Variants in OSBPL10 observed in about 807,000 individuals in gnomAD.
The protein encoded by OSBPL10 is oxysterol-binding protein-related protein 10.
Under a neutral mutation model 81.7 loss-of-function variants are expected in OSBPL10, and 49 were observed. That is an observed-to-expected ratio of 0.60 (90% confidence interval 0.48 to 0.76). The LOEUF (loss-of-function observed/expected upper bound fraction) is 0.76. Among genes scored for constraint, OSBPL10 ranks in the 30% least tolerant of loss-of-function variants. The pLI, the probability that OSBPL10 is intolerant of heterozygous loss-of-function variation, is 0.00. For missense variants in OSBPL10, 923 were observed against 987.8 expected (o/e 0.93, Z 0.88); for synonymous variants, 419 against 383.6 (o/e 1.09, Z -1.08).
chr3:31,702,555 T>C (rs1695932152), intron 6 of OSBPL10, 47 bp from the exon 7 acceptor site: 2 of 1,609,632 alleles, frequency 1.2e-6, no homozygotes, highest in South Asian at 2.2e-5. Flanking sequence ...CCAATAGAAG[T>C]TAGAAATAAA....
chr3:32,026,586 T>C (rs1410678331), intron 2 of OSBPL10, among the ~76,000 whole-genome samples: 1 of 152,164 alleles, frequency 6.6e-6, no homozygotes, highest in Non-Finnish European at 1.5e-5. Flanking sequence ...ACAGGATGCC[T>C]CCTACCACAC....
At chr3:31,812,723 AAAG>A (rs577115798) in intron 4 of OSBPL10, among the ~76,000 whole-genome samples, 69 of 39,296 alleles carry the variant, frequency 1.8e-3, no homozygotes, top group East Asian at 5.6e-3. Context: ...AAAAAAAAAG[AAAG>A]AAAGAAAGAA....
intron 4 of OSBPL10, among the ~76,000 whole-genome samples, chr3:31,772,659 T>A (rs112587920): frequency 0.026 from 3,919 of 152,238 alleles, 79 homozygotes; most frequent in Middle Eastern, 0.037. Flanking sequence ...CGCATGAAGC[T>A]GAAACAAGAA....
chr3:31,971,255 C>G (rs1698559905), intron 1 of OSBPL10, among the ~76,000 whole-genome samples: 1 of 150,556 alleles, frequency 6.6e-6, no homozygotes, highest in Admixed American at 6.7e-5. Context: ...ATTCTCCTGT[C>G]TCAGCCTCCC....
At position 31,748,051 on chromosome 3, in the gene OSBPL10, G is replaced by A; in HGVS notation, c.799C>T (p.Pro267Ser). 6.2e-7 allele frequency: 1 copy of A among 1,614,160 alleles called. No homozygotes were observed. Among genetic ancestry groups the A allele is most frequent in the Non-Finnish European group, 8.5e-7 (1 of 1,180,026 alleles). The change falls in exon 5 of 12, where the codon CCC becomes TCC. Residue 267 changes from proline to serine, a missense_variant. Pro to Ser is a moderately conservative substitution (Grantham distance 74). Transcript: ENST00000396556. ...HAIESLPGSG[P>S]LTALDQDLLL... ...AGGTCCTGGTCCAAGGCAGTGAGGG[G>A]GCCGGACCCTGGCAGGGACTCAATG...
Position 31,966,168 on chromosome 3 carries a change from T to C in OSBPL10, c.281+14731A>G, listed in dbSNP as rs968782105. Among the ~76,000 whole-genome samples, 883 of 122,710 alleles carry C rather than the reference T, an allele frequency of 7.2e-3. 10 individuals carry two copies. The highest frequency in any genetic ancestry group is 0.023 in the African/African-American group (827 of 35,702). The allele number at this position is 122,710 out of a possible 152,430, so 80.5% of individuals were successfully genotyped here. A position where few individuals can be genotyped will look rare whatever the true frequency, so the allele number is the denominator to read the frequency against. On this transcript the variant is annotated intron_variant, in intron 1 of 11. Transcript: ENST00000396556. The stretch of plus-strand genomic sequence containing the variant: ...CAACAAAATTATGTGTGTGTGTGTG[T>C]GTGTGTGTGTGTGTGTGTGTGTGTG...
At chr3:32,073,741 T>C (rs1006664502) in intron 1 of OSBPL10, among the ~76,000 whole-genome samples, 2 of 152,132 alleles carry the variant, frequency 1.3e-5, no homozygotes, top group Non-Finnish European at 2.9e-5. Context: ...TCTCAACTAC[T>C]CATAAATGAC....
intron 3 of OSBPL10, among the ~76,000 whole-genome samples, chr3:31,832,917 C>T (rs142386079): frequency 1.2e-4 from 19 of 152,346 alleles, no homozygotes; most frequent in African/African-American, 3.8e-4. Flanking sequence ...TTTTACAGAT[C>T]ACCAGGGGAT....
intron 4 of OSBPL10, among the ~76,000 whole-genome samples, chr3:31,787,164 C>T (rs926027267): frequency 5.9e-5 from 9 of 152,152 alleles, no homozygotes; most frequent in Non-Finnish European, 1.3e-4. Flanking sequence ...TACTACTTCT[C>T]GAAGGATACA....
In OSBPL10 at chr3:32,056,183, T is replaced by C. The variant is rs544045517; in HGVS notation, n.186-9580A>G. Among the ~76,000 whole-genome samples, 165 of 152,336 alleles carry C rather than the reference T, an allele frequency of 1.1e-3. 1 individual carries two copies. Among genetic ancestry groups the C allele is most frequent in the South Asian group, 0.01 (49 of 4,828 alleles). On this transcript the variant is annotated intron_variant and non_coding_transcript_variant, in intron 1 of 3. Coordinates refer to the OSBPL10 transcript ENST00000479173. ...AACCATGATACACCTGTTTATTAGA[T>C]TCCGGTCTTATCAGTTGTTTTTGAG... is the stretch of plus-strand genomic sequence containing the variant.
intron 2 of OSBPL10, among the ~76,000 whole-genome samples, chr3:32,001,095 G>A (rs1054070101): frequency 6.6e-6 from 1 of 152,172 alleles, no homozygotes; most frequent in East Asian, 1.9e-4. Context: ...GCATCTAGGG[G>A]CGCTGTTGTC....
chr3:32,026,550 T>TA (rs1261623654), intron 2 of OSBPL10, among the ~76,000 whole-genome samples: 5 of 152,144 alleles, frequency 3.3e-5, no homozygotes, highest in African/African-American at 9.7e-5. Context: ...TATATGGTTC[T>TA]AAAAAAACCC....
upstream of OSBPL10, chr3:31,981,381 G>T: frequency 1.1e-6 from 1 of 901,096 alleles, no homozygotes; most frequent in Non-Finnish European, 1.5e-6. This position sits in a 1 kb window ranked among gnomAD's most constrained non-coding sequence, Gnocchi z 4.5. Flanking sequence ...ATGCAGCTGC[G>T]GCCGCCCCTC....
At chr3:31,876,103 A>C (rs780251444) in intron 3 of OSBPL10, among the ~76,000 whole-genome samples, 11 of 152,050 alleles carry the variant, frequency 7.2e-5, no homozygotes, top group Non-Finnish European at 1.2e-4. Flanking sequence ...ACGAACTGTA[A>C]ATCTGACAAC....
At chr3:32,008,413 A>G (rs991882477) in intron 2 of OSBPL10, among the ~76,000 whole-genome samples, 1 of 151,812 alleles carries the variant, frequency 6.6e-6, no homozygotes, top group African/African-American at 2.4e-5. Flanking sequence ...TTGGCTTCCT[A>G]CAGTGCTGGG....
chr3:31,794,594 A>G, intron 4 of OSBPL10: 1 of 359,016 alleles, frequency 2.8e-6, no homozygotes, highest in Non-Finnish European at 5.5e-6. Flanking sequence ...CTGTACTGTG[A>G]CGTGATGCTG....
intron 6 of OSBPL10, among the ~76,000 whole-genome samples, chr3:31,706,884 C>T (rs780172252): frequency 2.0e-5 from 3 of 152,136 alleles, no homozygotes; most frequent in Non-Finnish European, 4.4e-5. Context: ...ACCCATGTCC[C>T]CAAAGGTACT....
At chr3:31,942,435 TGA>T (rs1415761855) in intron 1 of OSBPL10, among the ~76,000 whole-genome samples, 4 of 97,068 alleles carry the variant, frequency 4.1e-5, no homozygotes, top group Admixed American at 2.0e-4. Flanking sequence ...TACAAGAGGC[TGA>T]GAGAGGAGAA....
rs140159002 is a variant in OSBPL10, at chr3:31,840,840, G to A, written c.538-10609C>T. ...TTCCCAGTAAGGCACTTTTGCCAAA[G>A]CAGAAATAAACTGTAGGCTCACAGG... On this transcript the variant is annotated intron_variant, in intron 3 of 11. Coordinates refer to ENST00000396556, the MANE Select transcript of OSBPL10 (RefSeq NM_017784.5). Among the ~76,000 whole-genome samples the A allele has an allele frequency of 7.9e-3, 1,206 of 152,342 alleles. 2 individuals carry two copies. Among genetic ancestry groups the A allele is most frequent in the Middle Eastern group, 0.014 (4 of 294 alleles).
Sources: allele counts gnomAD v4.1 joint callset (sites outside exome capture counted in the v4.1 genomes callset), GRCh38; gene constraint gnomAD v4.1.1; non-coding constraint Gnocchi (gnomAD v3.1); transcripts MANE v1.5; gene names NCBI Gene and HGNC (gene_info 2026-07-23, HGNC 2026-07-21).